The following SLC67A1 variants were observed in gnomAD, a reference collection of about 807,000 sequenced individuals.
SLC67A1 encodes the protein solute carrier family 67 member A1.
At chr11:2,903,026 A>G in the SLC67A1 span, 1 of 364,352 alleles carries the variant, frequency 2.7e-6, no homozygotes, top group Non-Finnish European at 4.8e-6. Flanking sequence ...CCAGGCACTG[A>G]GCCTGGCCCA....
chr11:2,916,060 C>G, the SLC67A1 span: 6 of 152,298 alleles, frequency 3.9e-5, no homozygotes, highest in Non-Finnish European at 8.8e-5. Context: ...GGGATCCCAG[C>G]CCAAAGCCCC....
At chr11:2,924,618 C>T in the SLC67A1 span, among the ~76,000 whole-genome samples, 2 of 152,212 alleles carry the variant, frequency 1.3e-5, no homozygotes, top group Admixed American at 1.3e-4. This position sits in a 1 kb window ranked among gnomAD's most constrained non-coding sequence, Gnocchi z 8.6. Flanking sequence ...GCAGGCCTGG[C>T]AGGGCGGGGC....
chr11:2,899,830 C>T, the SLC67A1 span: 9 of 1,024,834 alleles, frequency 8.8e-6, no homozygotes, highest in Non-Finnish European at 1.2e-5. Context: ...ATCTCCACCA[C>T]ACCTCAGCGC....
At chr11:2,909,741 G>T in the SLC67A1 span, 3 of 1,434,854 alleles carry the variant, frequency 2.1e-6, no homozygotes, top group Non-Finnish European at 1.8e-6. Flanking sequence ...CGGAGTCTGT[G>T]GGTCAGGACG....
chr11:2,925,096 G>A, the SLC67A1 span: 13 of 1,613,728 alleles, frequency 8.1e-6, no homozygotes, highest in Non-Finnish European at 1.1e-5. This position sits in a 1 kb window ranked among gnomAD's most constrained non-coding sequence, Gnocchi z 6.5. Flanking sequence ...CCGCAGCTTT[G>A]GCGTCCCCGT....
At chr11:2,919,367 A>C in the SLC67A1 span, 1 of 1,613,876 alleles carries the variant, frequency 6.2e-7, no homozygotes, top group African/African-American at 1.3e-5. Flanking sequence ...GAGGCCGCCC[A>C]AGCTGGCTAC....
the SLC67A1 span, chr11:2,914,928 C>T: frequency 2.4e-5 from 24 of 985,306 alleles, no homozygotes; most frequent in East Asian, 2.3e-4. Flanking sequence ...CAAGCTGTGG[C>T]GCCCGAGCCC....
the SLC67A1 span, chr11:2,909,828 C>G: frequency 1.8e-6 from 2 of 1,131,654 alleles, no homozygotes; most frequent in Non-Finnish European, 2.4e-6. Context: ...CGAGTGGCCA[C>G]GTGATGTGGC....
At chr11:2,900,466 G>C in the SLC67A1 span, among the ~76,000 whole-genome samples, 1 of 152,032 alleles carries the variant, frequency 6.6e-6, no homozygotes. Context: ...GCCGAGGGGG[G>C]GCGGATCACG....
At chr11:2,910,400 T>C in the SLC67A1 span, among the ~76,000 whole-genome samples, 1 of 152,120 alleles carries the variant, frequency 6.6e-6, no homozygotes, top group South Asian at 2.1e-4. Flanking sequence ...AAAGTAGAAC[T>C]GGGGGCTCGA....
At chr11:2,903,563 C>G in the SLC67A1 span, 9 of 1,547,506 alleles carry the variant, frequency 5.8e-6, no homozygotes, top group Admixed American at 1.7e-5. Context: ...CCATCTGGGC[C>G]GTCGCAGAGA....
chr11:2,903,601 G>C, the SLC67A1 span: 2 of 1,239,266 alleles, frequency 1.6e-6, no homozygotes. Flanking sequence ...ATGCTGCCAG[G>C]GCCCCTCCCA....
chr11:2,923,461 A>AG, the SLC67A1 span, among the ~76,000 whole-genome samples: 4 of 130,342 alleles, frequency 3.1e-5, no homozygotes, highest in African/African-American at 9.0e-5. This position sits in a 1 kb window ranked among gnomAD's most constrained non-coding sequence, Gnocchi z 6.5. Context: ...AGATCCAGAA[A>AG]CTCAGGGCAC....
At chr11:2,921,827 C>G in the SLC67A1 span, 1 of 453,556 alleles carries the variant, frequency 2.2e-6, no homozygotes, top group Non-Finnish European at 4.0e-6. Flanking sequence ...TCCCACCGAG[C>G]CCATCCCCGG....
chr11:2,902,976 C>A, the SLC67A1 span: 1 of 245,536 alleles, frequency 4.1e-6, no homozygotes, highest in Non-Finnish European at 7.6e-6. Context: ...CCTCTGCCTC[C>A]CTCTAAAAGT....
chr11:2,924,644 G>A, the SLC67A1 span, among the ~76,000 whole-genome samples: 6 of 152,318 alleles, frequency 3.9e-5, no homozygotes, highest in East Asian at 9.7e-4. The surrounding 1 kb of genome is among the most constrained non-coding windows in gnomAD (Gnocchi z 8.6). Context: ...GCGGTGACCT[G>A]TGGTCCCATT....
the SLC67A1 span, chr11:2,903,664 AC>A: frequency 2.9e-6 from 2 of 678,592 alleles, no homozygotes; most frequent in African/African-American, 3.6e-5. Context: ...CTGCCTCTGG[AC>A]CCCCGTCAGC....
chr11:2,907,077 G>A, the SLC67A1 span, among the ~76,000 whole-genome samples: 1 of 151,586 alleles, frequency 6.6e-6, no homozygotes, highest in Non-Finnish European at 1.5e-5. This position sits in a 1 kb window ranked among gnomAD's most constrained non-coding sequence, Gnocchi z 6.7. Context: ...GGAAGAAGGA[G>A]TCTGGGGTTG....
At chr11:2,919,572 G>A in the SLC67A1 span, 1 of 606,318 alleles carries the variant, frequency 1.6e-6, no homozygotes, top group Non-Finnish European at 3.0e-6. Context: ...CAGGGAGGGA[G>A]AGCCAACTGC....
Sources: allele counts gnomAD v4.1 joint callset (sites outside exome capture counted in the v4.1 genomes callset), GRCh38; gene constraint gnomAD v4.1.1; non-coding constraint Gnocchi (gnomAD v3.1); transcripts MANE v1.5; gene names NCBI Gene and HGNC (gene_info 2026-07-23, HGNC 2026-07-21).